Variants in FAM193A observed in about 807,000 individuals in gnomAD.
FAM193A encodes the protein family with sequence similarity 193 member A, also known as protein FAM193A.
In FAM193A, 22 loss-of-function variants were observed where a neutral mutation model predicts 126.5. The observed-to-expected ratio is 0.17, with a 90% CI of 0.12 to 0.25. FAM193A has a LOEUF of 0.25. Among genes scored for constraint, FAM193A ranks in the 10% least tolerant of loss-of-function variants. The pLI is 1.00. For missense variants in FAM193A, 1,675 were observed against 1,672.8 expected (o/e 1.00, Z -0.02); for synonymous variants, 761 against 646.8 (o/e 1.18, Z -2.68).
intron 7 of FAM193A, chr4:2,654,660 C>G (rs1462225970): frequency 1.3e-5 from 2 of 157,410 alleles, no homozygotes; most frequent in Non-Finnish European, 2.8e-5. Context: ...TAACTGCAGA[C>G]ATATACAATG....
At chr4:2,552,201 C>T (rs1022018198) in intron 1 of FAM193A, among the ~76,000 whole-genome samples, 12 of 151,754 alleles carry the variant, frequency 7.9e-5, no homozygotes, top group African/African-American at 1.7e-4. Flanking sequence ...TTAGTAGAGA[C>T]GGGGTTTCAT....
At chr4:2,651,002 G>T (rs1560522732) in intron 7 of FAM193A, among the ~76,000 whole-genome samples, 1 of 152,124 alleles carries the variant, frequency 6.6e-6, no homozygotes, top group Non-Finnish European at 1.5e-5. Context: ...AGACCTGGAG[G>T]GGTGTGTGTA....
intron 1 of FAM193A, among the ~76,000 whole-genome samples, chr4:2,573,937 C>G (rs1030687536): frequency 6.6e-6 from 1 of 152,138 alleles, no homozygotes; most frequent in South Asian, 2.1e-4. Context: ...TCTGGGAGCA[C>G]CCTTAGGTGT....
chr4:2,700,680 G>A lies in FAM193A; in HGVS notation c.4372+136G>A, dbSNP rs953112454. On this transcript the variant is annotated intron_variant, in intron 19 of 20. Coordinates refer to ENST00000637812, the MANE Select transcript of FAM193A (RefSeq NM_001366318.2). ...CTCCTGTAGAAAAGAGCGTAGAGGG[G>A]CCAGGCATGGTGGCTCACACCTGTA... The A allele has an allele frequency of 4.6e-6, 5 of 1,085,560 alleles. No homozygotes were observed. The East Asian group carries it at 9.9e-5, about 21-fold the overall frequency. 67.2% of individuals were successfully genotyped at this position (1,085,560 alleles called of 1,614,324 possible).
At chr4:2,716,229 A>C (rs1719516603) in intron 20 of FAM193A, 125 bp downstream of exon 20, 1 of 707,642 alleles carries the variant, frequency 1.4e-6, no homozygotes, top group Non-Finnish European at 2.6e-6. Flanking sequence ...GCCAGACAAC[A>C]TGGCTTCTGA....
chr4:2,664,341 C>CTATTGAAT (rs1275151515), intron 12 of FAM193A, among the ~76,000 whole-genome samples: 1 of 152,132 alleles, frequency 6.6e-6, no homozygotes, highest in African/African-American at 2.4e-5. Context: ...CAGAAGTACC[C>CTATTGAAT]TATTGAATTG....
At chr4:2,689,303 A>G (rs1716093605) in intron 13 of FAM193A, among the ~76,000 whole-genome samples, 1 of 152,200 alleles carries the variant, frequency 6.6e-6, no homozygotes, top group South Asian at 2.1e-4. Flanking sequence ...TCATATCTAC[A>G]TCTGGTTGAA....
chr4:2,684,555 TAGG>T (rs1180014267), intron 13 of FAM193A, among the ~76,000 whole-genome samples: 1 of 152,124 alleles, frequency 6.6e-6, no homozygotes, highest in African/African-American at 2.4e-5. Context: ...TGGAGTATAT[TAGG>T]AGGTTATGTT....
At chr4:2,675,706 A>AAT (rs1201818091) in intron 13 of FAM193A, among the ~76,000 whole-genome samples, 1 of 152,194 alleles carries the variant, frequency 6.6e-6, no homozygotes, top group Non-Finnish European at 1.5e-5. Context: ...AGTGGTATTA[A>AAT]ATACGTTGAT....
chr4:2,593,133 G>A (rs1740662655), intron 1 of FAM193A, among the ~76,000 whole-genome samples: 2 of 152,104 alleles, frequency 1.3e-5, no homozygotes, highest in South Asian at 4.1e-4. Context: ...AGCACCTGAC[G>A]CTTCATACTT....
At chr4:2,537,734 C>T (rs1006653120) in intron 1 of FAM193A, among the ~76,000 whole-genome samples, 1 of 152,186 alleles carries the variant, frequency 6.6e-6, no homozygotes, top group Non-Finnish European at 1.5e-5. Context: ...TTCCTTTGGT[C>T]CTCCTATGTG....
At position 2,646,577 on chromosome 4, in the gene FAM193A, G is replaced by A. The variant is rs540081480; in HGVS notation, c.1164-108G>A. The A allele has an allele frequency of 4.4e-5, 52 of 1,192,232 alleles. No homozygotes were observed. In the African/African-American group the frequency reaches 6.8e-4, roughly 16 times the overall value. 73.9% of individuals were successfully genotyped at this position (1,192,232 alleles called of 1,614,324 possible). On this transcript the variant is annotated intron_variant, in intron 6 of 20. Transcript: ENST00000637812. The stretch of plus-strand genomic sequence containing the variant: ...AGAGTGGCACCCTGTTTTCCACGTT[G>A]GGAGGCGAGATGACAAAGCAGGATA...
intron 10 of FAM193A, among the ~76,000 whole-genome samples, chr4:2,662,427 C>G (rs1466583041): frequency 6.6e-6 from 1 of 152,176 alleles, no homozygotes; most frequent in Non-Finnish European, 1.5e-5. Context: ...GTTTAAAAAG[C>G]AAACACTAAA....
Position 2,639,746 on chromosome 4 carries a change from C to G in FAM193A, c.1050C>G (p.His350Gln). ...STFLGTLENE[H>Q]LKKFQVTWEL... ...TTTTTCTTAACCAGGAAAATGAACA[C>G]TTGAAAAAGTTCCAAGTGACGTGGG... Residue 350 changes from histidine to glutamine, a missense_variant, in exon 6 of 21, where the codon CAC (histidine) becomes CAG (glutamine). Coordinates refer to ENST00000637812, the MANE Select transcript of FAM193A (RefSeq NM_001366318.2). 1 of 1,611,220 alleles carries G rather than the reference C, an allele frequency of 6.2e-7. No homozygotes were observed. The highest frequency in any genetic ancestry group is 8.5e-7 in the Non-Finnish European group (1 of 1,178,520).
chr4:2,709,569 C>T (rs773885214), intron 19 of FAM193A, among the ~76,000 whole-genome samples: 5 of 152,034 alleles, frequency 3.3e-5, no homozygotes, highest in African/African-American at 4.8e-5. Flanking sequence ...ATTTGCCAGG[C>T]GTAGTAACAC....
intron 1 of FAM193A, among the ~76,000 whole-genome samples, chr4:2,577,187 C>T (rs1054389775): frequency 6.6e-6 from 1 of 151,924 alleles, no homozygotes; most frequent in Non-Finnish European, 1.5e-5. Flanking sequence ...AAGCCTCGCT[C>T]TGTCACCCAG....
chr4:2,649,091 T>G (rs953881742), intron 7 of FAM193A, among the ~76,000 whole-genome samples: 4 of 152,332 alleles, frequency 2.6e-5, no homozygotes, highest in Non-Finnish European at 4.4e-5. Context: ...AAAGTAAAAC[T>G]GGCCAGGTGC....
chr4:2,616,713 C>T (rs1331659802), intron 2 of FAM193A, among the ~76,000 whole-genome samples: 1 of 151,954 alleles, frequency 6.6e-6, no homozygotes, highest in African/African-American at 2.4e-5. Flanking sequence ...GCACCCACCA[C>T]CACACCCAGC....
At chr4:2,542,347 C>T (rs1737285751) in intron 1 of FAM193A, among the ~76,000 whole-genome samples, 1 of 151,932 alleles carries the variant, frequency 6.6e-6, no homozygotes, top group South Asian at 2.1e-4. Context: ...ACCTTGTTGG[C>T]CAAGCTGGTC....
Sources: allele counts gnomAD v4.1 joint callset (sites outside exome capture counted in the v4.1 genomes callset), GRCh38; gene constraint gnomAD v4.1.1; transcripts MANE v1.5; gene names NCBI Gene and HGNC (gene_info 2026-07-23, HGNC 2026-07-21).